VPS53: variants seen among roughly 807,000 people sequenced by gnomAD.
The protein encoded by VPS53 is vacuolar protein sorting-associated protein 53 homolog.
A neutral mutation model predicts 107.0 loss-of-function variants in VPS53; 70 were observed. The ratio of observed to expected loss-of-function variants is 0.65; its 90% confidence interval spans 0.54 to 0.80. The LOEUF (loss-of-function observed/expected upper bound fraction) is 0.80. Among genes scored for constraint, VPS53 ranks in the 30% least tolerant of loss-of-function variants. The probability of loss-of-function intolerance (pLI) is 0.00; values close to 1 mark genes in which losing one functional copy is unlikely to be tolerated. For synonymous variants in VPS53, 409 were observed against 393.3 expected (o/e 1.04, Z -0.47); for missense variants, 917 against 1,049.4 (o/e 0.87, Z 1.74).
Position 509,196 on chromosome 17 carries a change from C to T in VPS53, c.*9932G>A, listed in dbSNP as rs920395825. ...ACTAGTCACATATCAAATCCTGCCT[C>T]ACCCCCTTACTAGTCACATATCAAA... On this transcript the variant is annotated 3_prime_UTR_variant, in exon 22 of 22. Transcript: ENST00000437048. The T allele has an allele frequency of 1.3e-5, 2 of 149,434 alleles. No homozygotes were observed. Among genetic ancestry groups the T allele is most frequent in the Non-Finnish European group, 2.9e-5 (2 of 68,242 alleles). The allele number at this position is 149,434 out of a possible 1,614,324, so 9.3% of individuals were successfully genotyped here. A position where few individuals can be genotyped will look rare whatever the true frequency, so the allele number is the denominator to read the frequency against.
intron 10 of VPS53, among the ~76,000 whole-genome samples, chr17:625,837 T>C (rs1401834674): frequency 1.3e-5 from 2 of 152,174 alleles, no homozygotes; most frequent in Non-Finnish European, 2.9e-5. Context: ...CGGCCATGGA[T>C]TATGGGAAAA....
At chr17:566,011 G>A (rs1258396920) in intron 13 of VPS53, among the ~76,000 whole-genome samples, 5 of 151,830 alleles carry the variant, frequency 3.3e-5, no homozygotes, top group African/African-American at 4.8e-5. Flanking sequence ...AGACCATCCC[G>A]GCTAAAACGG....
intron 13 of VPS53, among the ~76,000 whole-genome samples, chr17:569,139 G>A (rs955892502): frequency 3.9e-5 from 6 of 152,218 alleles, no homozygotes; most frequent in Admixed American, 1.3e-4. Flanking sequence ...CAGAGAGGAA[G>A]GAGGTGCTCA....
At chr17:565,094 GCTT>G in intron 13 of VPS53, among the ~76,000 whole-genome samples, 1 of 152,112 alleles carries the variant, frequency 6.6e-6, no homozygotes, top group African/African-American at 2.4e-5. Context: ...TTACTCAAAG[GCTT>G]TTGTTATTGA....
chr17:548,212 T>C (rs1597279558), intron 17 of VPS53, among the ~76,000 whole-genome samples: 1 of 152,242 alleles, frequency 6.6e-6, no homozygotes, highest in African/African-American at 2.4e-5. Flanking sequence ...AAGCTCTATA[T>C]GCCAACCAAG....
At chr17:681,759 A>G (rs8077845) in intron 4 of VPS53, among the ~76,000 whole-genome samples, 5,542 of 152,320 alleles carry the variant, frequency 0.036, 142 homozygotes, top group East Asian at 0.07. Context: ...TGGAGGCACC[A>G]GGAGATCTGG....
At chr17:675,520 T>A (rs1972115417) in intron 4 of VPS53, 1 of 152,202 alleles carries the variant, frequency 6.6e-6, no homozygotes, top group Non-Finnish European at 1.5e-5. Flanking sequence ...ACGCCTGTAA[T>A]CACAACACTT....
chr17:678,595 T>C (rs964941064), intron 4 of VPS53, among the ~76,000 whole-genome samples: 4 of 150,510 alleles, frequency 2.7e-5, no homozygotes, highest in African/African-American at 9.8e-5. Flanking sequence ...GCTTCCCGGG[T>C]AGCTGGGATT....
chr17:678,720 G>T (rs949465335), intron 4 of VPS53, among the ~76,000 whole-genome samples: 1 of 151,620 alleles, frequency 6.6e-6, no homozygotes, highest in Admixed American at 6.6e-5. Flanking sequence ...CTCACTGCAA[G>T]CTCCACCCCC....
intron 19 of VPS53, among the ~76,000 whole-genome samples, chr17:525,161 CA>C (rs895674184): frequency 2.0e-5 from 3 of 150,890 alleles, no homozygotes; most frequent in African/African-American, 2.4e-5. Flanking sequence ...GTAAGTTGGG[CA>C]AAAAAAAGCA....
chr17:641,915 G>A (rs965826439), intron 7 of VPS53, among the ~76,000 whole-genome samples: 1 of 152,194 alleles, frequency 6.6e-6, no homozygotes, highest in Non-Finnish European at 1.5e-5. Context: ...GCCCAGAAAG[G>A]AAAGTCAACC....
intron 15 of VPS53, among the ~76,000 whole-genome samples, chr17:559,450 C>T (rs892149025): frequency 1.3e-5 from 2 of 152,186 alleles, no homozygotes; most frequent in African/African-American, 2.4e-5. Context: ...TGGGGAGTGG[C>T]CTGGGGCTAA....
At chr17:597,890 A>G (rs1350894230) in intron 12 of VPS53, among the ~76,000 whole-genome samples, 1 of 151,710 alleles carries the variant, frequency 6.6e-6, no homozygotes, top group African/African-American at 2.4e-5. Context: ...TAAATTACAT[A>G]AAACCTCTGG....
chr17:596,208 C>T (rs1967965612), intron 12 of VPS53, among the ~76,000 whole-genome samples: 1 of 152,228 alleles, frequency 6.6e-6, no homozygotes, highest in African/African-American at 2.4e-5. Flanking sequence ...TTTATTTTGC[C>T]TATAGTTTCC....
At position 537,253 on chromosome 17, in the gene VPS53, T is replaced by C. The variant is rs542401600; in HGVS notation, c.1867-77A>G. 2.3e-3 allele frequency: 3,513 copies of C among 1,531,468 alleles called. 5 individuals carry two copies. Among genetic ancestry groups the C allele is most frequent in the Non-Finnish European group, 2.8e-3 (3,151 of 1,126,466 alleles). The allele number at this position is 1,531,468 out of a possible 1,614,324, so 94.9% of individuals were successfully genotyped here. On this transcript the variant is annotated intron_variant, in intron 17 of 21. Transcript: ENST00000437048. Reference sequence around the variant, plus strand: ...GCCTGTTACTGGGGAAGGGAGGGGCTGGAGTGGAAGTCAGGTCACAGCTTT... The same window carrying C: ...GCCTGTTACTGGGGAAGGGAGGGGCCGGAGTGGAAGTCAGGTCACAGCTTT...
chr17:509,459 C>T lies in VPS53; in HGVS notation c.*9669G>A. 8.9e-6 allele frequency: 1 copy of T among 111,992 alleles called. No homozygotes were observed. The highest frequency in any genetic ancestry group is 2.2e-5 in the Non-Finnish European group (1 of 46,176). The allele number at this position is 111,992 out of a possible 1,614,324, so 6.9% of individuals were successfully genotyped here. Reference sequence around the variant, plus strand: ...CCCCTTACTAGTCACGTATCGAATCCTGGCTGACCCCCTGACTAGTCACGT... The same window carrying T: ...CCCCTTACTAGTCACGTATCGAATCTTGGCTGACCCCCTGACTAGTCACGT... On this transcript the variant is annotated 3_prime_UTR_variant, in exon 22 of 22. Coordinates refer to ENST00000437048, the MANE Select transcript of VPS53 (RefSeq NM_001128159.3).
At chr17:582,607 C>A (rs1468017873) in intron 13 of VPS53, among the ~76,000 whole-genome samples, 1 of 145,300 alleles carries the variant, frequency 6.9e-6, no homozygotes, top group African/African-American at 2.5e-5. Flanking sequence ...CTCAGAACCT[C>A]AACGCAGTCC....
intron 12 of VPS53, among the ~76,000 whole-genome samples, chr17:594,635 G>A (rs1275103742): frequency 6.8e-6 from 1 of 148,102 alleles, no homozygotes; most frequent in Non-Finnish European, 1.5e-5. Context: ...GATGGGAAGG[G>A]GTCTGGATCA....
intron 6 of VPS53, among the ~76,000 whole-genome samples, chr17:654,529 G>A (rs945620360): frequency 2.6e-5 from 4 of 152,030 alleles, no homozygotes; most frequent in African/African-American, 4.8e-5. Flanking sequence ...ACAAGGTCAG[G>A]AGATCGAGAC....
Sources: gnomAD v4.1 joint callset for allele counts (sites outside exome capture counted in the v4.1 genomes callset) on GRCh38, gnomAD v4.1.1 for gene constraint, MANE v1.5 for transcripts, NCBI Gene and HGNC (gene_info 2026-07-23, HGNC 2026-07-21) for gene names.